The following VWC2L variants were observed in gnomAD, a reference collection of about 807,000 sequenced individuals.
VWC2L encodes von Willebrand factor C domain-containing protein 2-like.
Under a neutral mutation model 21.6 loss-of-function variants are expected in VWC2L, and 10 were observed. The ratio of observed to expected loss-of-function variants is 0.46; its 90% CI spans 0.29 to 0.78. The LOEUF is 0.78. Among genes scored for constraint, VWC2L ranks in the 30% least tolerant of loss-of-function variants. The pLI, the probability that VWC2L is intolerant of heterozygous loss-of-function variation, is 0.10. For synonymous variants in VWC2L, 96 were observed against 94.3 expected (o/e 1.02, Z -0.10); for missense variants, 209 against 277.1 (o/e 0.75, Z 1.74).
At chr2:214,575,034 TAAAAAAAA>T (rs3046806) in intron 3 of VWC2L, among the ~76,000 whole-genome samples, 1 of 118,456 alleles carries the variant, frequency 8.4e-6, no homozygotes. Flanking sequence ...GGTCATTCTT[TAAAAAAAA>T]AAAAAAAAAA....
chr2:214,513,925 T>G (rs1392455654), intron 3 of VWC2L, among the ~76,000 whole-genome samples: 2 of 152,112 alleles, frequency 1.3e-5, no homozygotes, highest in African/African-American at 4.8e-5. Flanking sequence ...TGGCATGGCA[T>G]CCTCAGTTCA....
chr2:214,449,347 T>A (rs1702919096), intron 3 of VWC2L, among the ~76,000 whole-genome samples: 1 of 152,154 alleles, frequency 6.6e-6, no homozygotes, highest in Non-Finnish European at 1.5e-5. Context: ...GCCATGAGCA[T>A]TGATGAAATA....
chr2:214,466,433 A>G (rs1023721389), intron 3 of VWC2L, among the ~76,000 whole-genome samples: 3 of 152,082 alleles, frequency 2.0e-5, no homozygotes, highest in Non-Finnish European at 4.4e-5. Context: ...TTTGTGGAAT[A>G]TGTGTCTTGA....
intron 3 of VWC2L, among the ~76,000 whole-genome samples, chr2:214,491,755 G>A (rs1056048699): frequency 1.3e-5 from 2 of 152,064 alleles, no homozygotes; most frequent in African/African-American, 4.8e-5. Context: ...TTGCTTCTCA[G>A]CTGTATCACC....
intron 3 of VWC2L, among the ~76,000 whole-genome samples, chr2:214,524,452 G>A (rs963024536): frequency 2.0e-5 from 3 of 152,098 alleles, no homozygotes; most frequent in African/African-American, 7.2e-5. Flanking sequence ...GATCTGATCT[G>A]GAGTCTAAGT....
intron 3 of VWC2L, among the ~76,000 whole-genome samples, chr2:214,563,191 G>A (rs888146241): frequency 3.4e-4 from 52 of 152,140 alleles, no homozygotes; most frequent in African/African-American, 1.2e-3. Flanking sequence ...AATTCTCTCA[G>A]CACCATTTAT....
intron 3 of VWC2L, among the ~76,000 whole-genome samples, chr2:214,456,892 GATTT>G (rs1703066828): frequency 1.3e-5 from 2 of 151,984 alleles, no homozygotes; most frequent in Non-Finnish European, 2.9e-5. Flanking sequence ...TAAATATATG[GATTT>G]ATTTTTGGGT....
Position 214,441,086 on chromosome 2 carries a change from C to T in VWC2L, c.520+4328C>T, listed in dbSNP as rs375783965. 3.3e-5 allele frequency among the ~76,000 whole-genome samples: 5 copies of T among 152,128 alleles called. No individual in the cohort carries two copies. In the South Asian group the frequency reaches 1.0e-3, roughly 32 times the overall value. ...CTGTTCAAATATTTAATTCTATGTCCCTCACTCTCTTCTAGTTTAGTAGTG... is the reference window on the plus strand; with the variant it reads ...CTGTTCAAATATTTAATTCTATGTCTCTCACTCTCTTCTAGTTTAGTAGTG... On this transcript the variant is annotated intron_variant, in intron 3 of 3. Transcript: ENST00000312504.
chr2:214,473,983 T>C (rs1294453728), intron 3 of VWC2L, among the ~76,000 whole-genome samples: 1 of 152,130 alleles, frequency 6.6e-6, no homozygotes, highest in East Asian at 1.9e-4. Flanking sequence ...TCCCTTATAC[T>C]GTGAAGAAAG....
At chr2:214,447,246 G>A (rs1234281721) in intron 3 of VWC2L, among the ~76,000 whole-genome samples, 2 of 152,084 alleles carry the variant, frequency 1.3e-5, no homozygotes, top group African/African-American at 4.8e-5. Context: ...CTACGGGAGA[G>A]CCTCATTGAA....
intron 3 of VWC2L, among the ~76,000 whole-genome samples, chr2:214,565,998 C>T (rs1055706369): frequency 1.9e-4 from 29 of 152,098 alleles, no homozygotes; most frequent in African/African-American, 5.3e-4. Flanking sequence ...GTGTTCTCAG[C>T]TGTAAAATGG....
chr2:214,445,775 A>G (rs1367407343), intron 3 of VWC2L, among the ~76,000 whole-genome samples: 1 of 152,084 alleles, frequency 6.6e-6, no homozygotes, highest in Admixed American at 6.6e-5. Context: ...AAAAGAAAAT[A>G]AAATTTATAA....
At chr2:214,573,725 G>T (rs1690186779) in intron 3 of VWC2L, among the ~76,000 whole-genome samples, 1 of 152,208 alleles carries the variant, frequency 6.6e-6, no homozygotes, top group African/African-American at 2.4e-5. Context: ...TTTTCCCAGG[G>T]AGCTGTAGAC....
intron 3 of VWC2L, among the ~76,000 whole-genome samples, chr2:214,498,494 T>C (rs2126204583): frequency 6.6e-6 from 1 of 152,244 alleles, no homozygotes; most frequent in Admixed American, 6.5e-5. Flanking sequence ...TTTCTTTTTC[T>C]TAATATTTCT....
At chr2:214,520,834 A>T (rs1689226219) in intron 3 of VWC2L, among the ~76,000 whole-genome samples, 1 of 152,244 alleles carries the variant, frequency 6.6e-6, no homozygotes, top group African/African-American at 2.4e-5. Context: ...AATACATGAA[A>T]GTGTAAACAT....
intron 3 of VWC2L, among the ~76,000 whole-genome samples, chr2:214,486,657 G>A (rs189875166): frequency 1.2e-4 from 19 of 152,208 alleles, no homozygotes; most frequent in African/African-American, 3.1e-4. Context: ...AATGTTGCCC[G>A]TACACTCAGC....
chr2:214,488,962 C>T (rs1688710526), intron 3 of VWC2L, among the ~76,000 whole-genome samples: 1 of 152,204 alleles, frequency 6.6e-6, no homozygotes, highest in African/African-American at 2.4e-5. Context: ...CAACACCTCC[C>T]ATTAGGTTCT....
At chr2:214,419,176 A>C (rs2126170860) in intron 2 of VWC2L, among the ~76,000 whole-genome samples, 1 of 152,298 alleles carries the variant, frequency 6.6e-6, no homozygotes, top group Middle Eastern at 3.4e-3. Context: ...TGAAAACTCT[A>C]AATTCTCCAG....
chr2:214,525,896 A>G (rs1005519944), intron 3 of VWC2L, among the ~76,000 whole-genome samples: 26 of 152,184 alleles, frequency 1.7e-4, no homozygotes, highest in Admixed American at 2.6e-4. Flanking sequence ...TTTCTCACAT[A>G]TTAAATATGG....
Sources: allele counts gnomAD v4.1 joint callset (sites outside exome capture counted in the v4.1 genomes callset), GRCh38; gene constraint gnomAD v4.1.1; transcripts MANE v1.5; gene names NCBI Gene and HGNC (gene_info 2026-07-23, HGNC 2026-07-21).